TUSC3: variants seen among roughly 807,000 people sequenced by gnomAD.
TUSC3 encodes dolichyl-diphosphooligosaccharide--protein glycosyltransferase subunit TUSC3.
TUSC3 carries 45 observed loss-of-function variants against 44.8 expected under a neutral mutation model. The ratio of observed to expected loss-of-function variants is 1.00; its 90% CI spans 0.79 to 1.29. The LOEUF (loss-of-function observed/expected upper bound fraction) is 1.29, where lower values mean the gene tolerates loss of function less well. TUSC3 is among the 50% of genes most tolerant of loss of function. The pLI, the probability that TUSC3 is intolerant of heterozygous loss-of-function variation, is 0.00. For missense variants in TUSC3, 519 were observed against 437.9 expected (o/e 1.19, Z -1.65); for synonymous variants, 212 against 152.9 (o/e 1.39, Z -2.85).
At chr8:15,613,791 A>G (rs189472446) in intron 1 of TUSC3, among the ~76,000 whole-genome samples, 5 of 152,252 alleles carry the variant, frequency 3.3e-5, no homozygotes, top group Admixed American at 2.6e-4. Context: ...TAACTTTAAC[A>G]TTCCCTTTAA....
rs1210594670 is a variant in TUSC3, at chr8:15,650,752, T to G, written c.364T>G (p.Phe122Val). 3 of 1,614,174 alleles carry G rather than the reference T, an allele frequency of 1.9e-6. 1 individual carries two copies. The South Asian group carries it at 3.3e-5, about 18-fold the overall frequency. ...LANSWRYSSA[F>V]CNKLFFSMVD... ...GAACTCCTGGCGCTATTCATCTGCT[T>G]TTTGTAACAAGCTCTTCTTCAGTAT... is the stretch of plus-strand genomic sequence containing the variant. The change falls in exon 3 of 11, where the codon TTT (phenylalanine) becomes GTT (valine). Residue 122 changes from phenylalanine (F) to valine (V), a missense_variant. Coordinates refer to ENST00000503731, the MANE Select transcript of TUSC3 (RefSeq NM_006765.4).
intron 1 of TUSC3, among the ~76,000 whole-genome samples, chr8:15,421,435 C>A (rs1799736360): frequency 6.6e-6 from 1 of 152,180 alleles, no homozygotes; most frequent in African/African-American, 2.4e-5. Context: ...TTGCCAACCT[C>A]TTCACTCATC....
At chr8:15,605,807 C>A (rs539248390) in intron 1 of TUSC3, among the ~76,000 whole-genome samples, 8 of 151,990 alleles carry the variant, frequency 5.3e-5, no homozygotes, top group Non-Finnish European at 1.2e-4. Context: ...CATAAGGTTG[C>A]CATATTAAAT....
At chr8:15,418,988 G>C (rs1363014151) in intron 1 of TUSC3, among the ~76,000 whole-genome samples, 1 of 152,120 alleles carries the variant, frequency 6.6e-6, no homozygotes, top group African/African-American at 2.4e-5. Flanking sequence ...CTGAGCAACA[G>C]TGCAAGACCC....
At chr8:15,842,878 AG>A in the TUSC3 span, among the ~76,000 whole-genome samples, 3 of 152,192 alleles carry the variant, frequency 2.0e-5, no homozygotes, top group Admixed American at 2.0e-4. Flanking sequence ...TTATCCTTTC[AG>A]CCATGTTGCC....
At chr8:15,497,135 G>A (rs1800892760) in intron 2 of TUSC3, among the ~76,000 whole-genome samples, 1 of 152,166 alleles carries the variant, frequency 6.6e-6, no homozygotes, top group East Asian at 1.9e-4. Flanking sequence ...AAAAGGTATG[G>A]TGGTTGTCGT....
chr8:15,630,490 A>G (rs1805710687), intron 2 of TUSC3, among the ~76,000 whole-genome samples: 1 of 152,134 alleles, frequency 6.6e-6, no homozygotes, highest in South Asian at 2.1e-4. Flanking sequence ...ATTATTGTGA[A>G]AGTTAGATAT....
At chr8:15,740,179 T>C (rs1811129604) in intron 7 of TUSC3, among the ~76,000 whole-genome samples, 1 of 151,968 alleles carries the variant, frequency 6.6e-6, no homozygotes, top group African/African-American at 2.4e-5. Context: ...AGGGAGTAAA[T>C]TACATGGCCA....
At chr8:15,562,433 G>A (rs893665029) in intron 1 of TUSC3, among the ~76,000 whole-genome samples, 5 of 152,094 alleles carry the variant, frequency 3.3e-5, no homozygotes, top group Admixed American at 3.3e-4. Context: ...GGTGGTTTGT[G>A]GGTATATTAG....
intron 1 of TUSC3, among the ~76,000 whole-genome samples, chr8:15,617,120 A>ATGTGTGTGTGTGTGTGTGTGTGTG (rs143444660): frequency 0.036 from 4,409 of 123,656 alleles, 235 homozygotes; most frequent in African/African-American, 0.085. Flanking sequence ...TATCTGTAAA[A>ATGTGTGTGTGTGTGTGTGTGTGTG]TGTGTGTGTG....
chr8:15,705,108 C>G (rs1169687345), intron 6 of TUSC3, among the ~76,000 whole-genome samples: 2 of 150,452 alleles, frequency 1.3e-5, no homozygotes, highest in Non-Finnish European at 3.0e-5. Flanking sequence ...TGTAAAATGC[C>G]CTGGGTGCAT....
rs188845260 is a variant in TUSC3, at chr8:15,468,257, C to A, written n.92-15129C>A. The stretch of plus-strand genomic sequence containing the variant: ...CCTGGTGGAATCCCACAGACAGCTG[C>A]TTAATGTGAGAGGAAAAAATTGCGT... On this transcript the variant is annotated intron_variant and non_coding_transcript_variant, in intron 1 of 5. Transcript: ENST00000503191. Among the ~76,000 whole-genome samples the A allele has an allele frequency of 1.4e-4, 22 of 152,262 alleles. 1 individual carries two copies. The South Asian group carries it at 2.3e-3, about 16-fold the overall frequency.
At chr8:15,838,115 G>A in the TUSC3 span, among the ~76,000 whole-genome samples, 79 of 152,244 alleles carry the variant, frequency 5.2e-4, 3 homozygotes, top group East Asian at 0.014. Flanking sequence ...CACCTCCTGC[G>A]AATATCACTT....
At chr8:15,494,763 A>G (rs754047147) in intron 2 of TUSC3, among the ~76,000 whole-genome samples, 1 of 152,228 alleles carries the variant, frequency 6.6e-6, no homozygotes, top group Non-Finnish European at 1.5e-5. Context: ...TATTATGACA[A>G]AGGGTGAAAT....
chr8:15,563,358 G>A (rs1802547968), intron 1 of TUSC3, among the ~76,000 whole-genome samples: 1 of 152,194 alleles, frequency 6.6e-6, no homozygotes, highest in South Asian at 2.1e-4. Context: ...GCATGGTGAT[G>A]TTGGAGATTG....
intron 6 of TUSC3, among the ~76,000 whole-genome samples, chr8:15,702,311 T>A: frequency 6.6e-6 from 1 of 152,192 alleles, no homozygotes; most frequent in East Asian, 1.9e-4. Flanking sequence ...GTTGAGCCAC[T>A]TCTTAAACAA....
intron 2 of TUSC3, among the ~76,000 whole-genome samples, chr8:15,504,802 G>T (rs549644214): frequency 6.7e-6 from 1 of 150,232 alleles, no homozygotes; most frequent in Admixed American, 6.6e-5. Flanking sequence ...ACAGGTGCCT[G>T]CCACCATGCC....
At chr8:15,441,782 T>A (rs1016509383) in intron 1 of TUSC3, among the ~76,000 whole-genome samples, 25 of 152,192 alleles carry the variant, frequency 1.6e-4, no homozygotes, top group African/African-American at 6.0e-4. Flanking sequence ...GTGTCCTGAG[T>A]GTTCCAGACT....
At chr8:15,837,056 G>C in the TUSC3 span, among the ~76,000 whole-genome samples, 15 of 152,080 alleles carry the variant, frequency 9.9e-5, no homozygotes, top group African/African-American at 3.6e-4. Flanking sequence ...CTGACTGTAA[G>C]ATTCTTAAGT....
Sources: gnomAD v4.1 joint callset for allele counts (sites outside exome capture counted in the v4.1 genomes callset) on GRCh38, gnomAD v4.1.1 for gene constraint, MANE v1.5 for transcripts, NCBI Gene and HGNC (gene_info 2026-07-23, HGNC 2026-07-21) for gene names.